The following SBF2 variants were observed in gnomAD, a reference collection of about 807,000 sequenced individuals.
SBF2 encodes the protein myotubularin-related protein 13.
Under a neutral mutation model 225.2 loss-of-function variants are expected in SBF2, and 112 were observed. The observed-to-expected ratio is 0.50, with a 90% CI of 0.43 to 0.58. The LOEUF is 0.58. Among genes scored for constraint, SBF2 ranks in the 20% least tolerant of loss-of-function variants. The pLI is 0.00. For synonymous variants in SBF2, 763 were observed against 773.3 expected, an observed-to-expected ratio of 0.99 and a Z score of 0.22; for missense variants, 1,996 against 2,206.2, an observed-to-expected ratio of 0.90 and a Z score of 1.91.
At chr11:10,085,175 GC>G (rs1374069158) in intron 2 of SBF2, among the ~76,000 whole-genome samples, 1 of 152,076 alleles carries the variant, frequency 6.6e-6, no homozygotes, top group Non-Finnish European at 1.5e-5. Context: ...GTTTTTTCAG[GC>G]TGACTTCAAA....
chr11:10,006,426 G>A (rs1948192650), intron 6 of SBF2, among the ~76,000 whole-genome samples: 1 of 152,142 alleles, frequency 6.6e-6, no homozygotes, highest in Non-Finnish European at 1.5e-5. Flanking sequence ...TTTTGTTCCT[G>A]TTACGGTCCA....
intron 25 of SBF2, 68 bp downstream of exon 25, chr11:9,842,557 A>G: frequency 2.0e-6 from 3 of 1,523,740 alleles, no homozygotes; most frequent in Non-Finnish European, 2.7e-6. Context: ...AAGTGCAACT[A>G]CATCTGAGTC....
chr11:10,279,326 T>C (rs1426326372), intron 1 of SBF2, among the ~76,000 whole-genome samples: 1 of 150,834 alleles, frequency 6.6e-6, no homozygotes, highest in Non-Finnish European at 1.5e-5. Context: ...GGCAGGAGAA[T>C]TGCTTGAACC....
At chr11:10,289,647 G>A (rs1224730208) in intron 1 of SBF2, among the ~76,000 whole-genome samples, 2 of 152,112 alleles carry the variant, frequency 1.3e-5, no homozygotes, top group East Asian at 3.9e-4. Context: ...TGGACCCCAG[G>A]GATGCGGCCC....
At chr11:9,883,205 AAG>A (rs1859971948) in intron 17 of SBF2, among the ~76,000 whole-genome samples, 1 of 152,192 alleles carries the variant, frequency 6.6e-6, no homozygotes, top group Non-Finnish European at 1.5e-5. Flanking sequence ...CCTGGCATCA[AAG>A]ATCTGCATAA....
chr11:9,975,230 TATTC>T (rs1186252564), intron 13 of SBF2, among the ~76,000 whole-genome samples: 1 of 152,198 alleles, frequency 6.6e-6, no homozygotes, highest in Non-Finnish European at 1.5e-5. Flanking sequence ...GGGGTGGTTT[TATTC>T]ATTATTGCTA....
At chr11:9,911,602 A>T (rs1320749280) in intron 16 of SBF2, among the ~76,000 whole-genome samples, 1 of 152,132 alleles carries the variant, frequency 6.6e-6, no homozygotes, top group Non-Finnish European at 1.5e-5. Context: ...TCTAAATGTA[A>T]AGTGTTTATA....
intron 1 of SBF2, among the ~76,000 whole-genome samples, chr11:10,224,842 T>C (rs372064512): frequency 2.4e-4 from 37 of 152,284 alleles, no homozygotes; most frequent in South Asian, 8.3e-4. Flanking sequence ...TTTGCTTTTA[T>C]TGCCTAAGAC....
intron 12 of SBF2, among the ~76,000 whole-genome samples, chr11:9,990,972 G>A (rs188830581): frequency 5.9e-5 from 9 of 152,262 alleles, no homozygotes; most frequent in African/African-American, 2.2e-4. Context: ...TCACTTTTTA[G>A]TTGTGATGAA....
At chr11:10,135,352 T>C (rs1954296353) in intron 2 of SBF2, among the ~76,000 whole-genome samples, 1 of 152,228 alleles carries the variant, frequency 6.6e-6, no homozygotes, top group South Asian at 2.1e-4. Flanking sequence ...CTAGAGACCT[T>C]TTCCGCATGG....
chr11:10,254,608 TAA>T (rs577267923), intron 1 of SBF2, among the ~76,000 whole-genome samples: 8 of 142,916 alleles, frequency 5.6e-5, no homozygotes, highest in Non-Finnish European at 7.7e-5. Context: ...ATTCAGCCTT[TAA>T]AAAAAAAAAA....
intron 1 of SBF2, among the ~76,000 whole-genome samples, chr11:10,225,504 T>A (rs1451065274): frequency 6.6e-6 from 1 of 152,066 alleles, no homozygotes; most frequent in East Asian, 1.9e-4. Context: ...TAAAGACTAG[T>A]CATAGAGGTT....
In SBF2 at chr11:10,173,568, G is replaced by A. The variant is rs1266454814; in HGVS notation, c.141+20334C>T. The stretch of plus-strand genomic sequence containing the variant: ...CAGTCTGAGATCAAACTGCAAGGCG[G>A]CAGCGAGGCTGGGGGAGGGGCGCCC... On this transcript the variant is annotated intron_variant, in intron 2 of 39. Transcript: ENST00000256190. Among the ~76,000 whole-genome samples, 7 of 152,222 alleles carry A rather than the reference G, an allele frequency of 4.6e-5. No homozygotes were observed. In the East Asian group the frequency reaches 9.6e-4, roughly 21 times the overall value.
chr11:10,048,500 T>C (rs1720569224), intron 2 of SBF2, among the ~76,000 whole-genome samples: 1 of 152,218 alleles, frequency 6.6e-6, no homozygotes, highest in South Asian at 2.1e-4. Flanking sequence ...GAAAAGGCCC[T>C]TGATGAGGCA....
At chr11:10,304,065 C>T (rs1047659632) in intron 1 of SBF2, among the ~76,000 whole-genome samples, 4 of 152,164 alleles carry the variant, frequency 2.6e-5, no homozygotes, top group African/African-American at 7.2e-5. Flanking sequence ...AGGGTGACTT[C>T]CCCTCTCTGC....
intron 16 of SBF2, among the ~76,000 whole-genome samples, chr11:9,943,146 A>ATG (rs1173102592): frequency 6.6e-6 from 1 of 152,218 alleles, no homozygotes; most frequent in African/African-American, 2.4e-5. Context: ...AAGACACAGT[A>ATG]TGAAATAAAT....
chr11:9,927,084 T>C (rs1864114098), intron 16 of SBF2, among the ~76,000 whole-genome samples: 1 of 152,142 alleles, frequency 6.6e-6, no homozygotes, highest in South Asian at 2.1e-4. Context: ...CTATAGATAT[T>C]AAAAAGATAA....
chr11:9,957,444 T>C (rs527782772), intron 16 of SBF2: 22 of 149,528 alleles, frequency 1.5e-4, no homozygotes, highest in African/African-American at 5.1e-4. Flanking sequence ...CACAAAACTA[T>C]ATATATAATC....
intron 21 of SBF2, among the ~76,000 whole-genome samples, chr11:9,850,981 C>G (rs1364405259): frequency 6.6e-6 from 1 of 151,748 alleles, no homozygotes; most frequent in Admixed American, 6.6e-5. Flanking sequence ...ACTAAAAACA[C>G]AAAAATTAGC....
Sources: gnomAD v4.1 joint callset for allele counts (sites outside exome capture counted in the v4.1 genomes callset) on GRCh38, gnomAD v4.1.1 for gene constraint, MANE v1.5 for transcripts, NCBI Gene and HGNC (gene_info 2026-07-23, HGNC 2026-07-21) for gene names.